The following USP48 variants were observed in gnomAD, a reference collection of about 807,000 sequenced individuals.
The protein encoded by USP48 is ubiquitin specific peptidase 48.
Under a neutral mutation model 150.7 loss-of-function variants are expected in USP48, and 43 were observed. The ratio of observed to expected loss-of-function variants is 0.29; its 90% CI spans 0.22 to 0.37. USP48 has a LOEUF of 0.37. Among genes scored for constraint, USP48 ranks in the 10% least tolerant of loss-of-function variants. The pLI, the probability that USP48 is intolerant of heterozygous loss-of-function variation, is 1.00. For synonymous variants in USP48, 396 were observed against 425.9 expected, an observed-to-expected ratio of 0.93 and a Z score of 0.86; for missense variants, 813 against 1,249.6, an observed-to-expected ratio of 0.65 and a Z score of 5.27.
chr1:21,716,418 T>C (rs1266684942), intron 14 of USP48, among the ~76,000 whole-genome samples: 1 of 152,158 alleles, frequency 6.6e-6, no homozygotes, highest in Admixed American at 6.5e-5. Context: ...GCAGGCAGGA[T>C]GAAGCAGGAG....
intron 9 of USP48, among the ~76,000 whole-genome samples, chr1:21,733,779 A>G (rs907435815): frequency 6.6e-6 from 1 of 152,052 alleles, no homozygotes; most frequent in Admixed American, 6.6e-5. Context: ...ATTTTTCACA[A>G]TTTAAAGTTC....
intron 11 of USP48, chr1:21,727,970 C>T (rs1384786635): frequency 1.0e-6 from 1 of 985,384 alleles, no homozygotes; most frequent in Non-Finnish European, 1.2e-6. Context: ...ACAAATGGCA[C>T]ATCAGCCTTT....
chr1:21,680,852 A>T lies in USP48; in HGVS notation c.3059-18T>A, dbSNP rs2152488653. On this transcript the variant is annotated intron_variant, in intron 25 of 26. Transcript: ENST00000308271. ...CATACAAACTGAAAAAAAGAAAAAA[A>T]GAAGAATTCCAAATTGAAAAGATTG... 1 of 1,576,368 alleles carries T rather than the reference A, an allele frequency of 6.3e-7. No individual in the cohort carries two copies. Among genetic ancestry groups the T allele is most frequent in the Middle Eastern group, 1.7e-4 (1 of 5,948 alleles).
At chr1:21,769,081 T>A (rs1390342190) in intron 1 of USP48, among the ~76,000 whole-genome samples, 1 of 152,214 alleles carries the variant, frequency 6.6e-6, no homozygotes, top group Non-Finnish European at 1.5e-5. Context: ...TTTGCTAACA[T>A]CAGACATGTT....
intron 1 of USP48, among the ~76,000 whole-genome samples, chr1:21,772,255 C>T (rs1257420968): frequency 1.3e-5 from 2 of 151,968 alleles, no homozygotes; most frequent in Non-Finnish European, 2.9e-5. Context: ...AAATCAAAAA[C>T]TAACGTACCA....
chr1:21,773,918 G>A (rs933541485), intron 1 of USP48, among the ~76,000 whole-genome samples: 1 of 152,084 alleles, frequency 6.6e-6, no homozygotes, highest in African/African-American at 2.4e-5. Flanking sequence ...TGGAAGGACT[G>A]CTTGAAGCCA....
At chr1:21,715,252 C>T (rs1406562775) in intron 15 of USP48, 137 bp downstream of exon 15, 1 of 568,166 alleles carries the variant, frequency 1.8e-6, no homozygotes, top group Non-Finnish European at 3.1e-6. Flanking sequence ...ATGATTTCCT[C>T]TAAATATGGG....
At chr1:21,683,517 T>TGC (rs2097572479) in intron 25 of USP48, among the ~76,000 whole-genome samples, 1 of 152,152 alleles carries the variant, frequency 6.6e-6, no homozygotes, top group Admixed American at 6.5e-5. Flanking sequence ...CCCAAGTATC[T>TGC]GAGACCACAG....
chr1:21,689,216 G>T (rs2097589276), intron 24 of USP48, among the ~76,000 whole-genome samples: 1 of 133,484 alleles, frequency 7.5e-6, no homozygotes. Flanking sequence ...CCCATTTTTT[G>T]CTTTTTTTTT....
intron 25 of USP48, among the ~76,000 whole-genome samples, chr1:21,681,961 G>C (rs1192204534): frequency 1.3e-5 from 2 of 152,244 alleles, no homozygotes; most frequent in South Asian, 2.1e-4. Flanking sequence ...ACTCCAATAT[G>C]GATCAGGTGT....
intron 24 of USP48, among the ~76,000 whole-genome samples, chr1:21,688,796 T>C (rs2097586904): frequency 6.8e-6 from 1 of 147,988 alleles, no homozygotes; most frequent in Admixed American, 6.8e-5. Context: ...TGAGCCGAGA[T>C]TGTGCCACTG....
At chr1:21,704,555 A>G in intron 19 of USP48, 163 bp from the exon 20 acceptor site, 1 of 737,410 alleles carries the variant, frequency 1.4e-6, no homozygotes, top group Non-Finnish European at 2.0e-6. Flanking sequence ...TTTTCATACA[A>G]AGGAATGTTA....
intron 24 of USP48, among the ~76,000 whole-genome samples, chr1:21,688,368 A>C (rs1571694620): frequency 6.6e-6 from 1 of 151,720 alleles, no homozygotes; most frequent in Non-Finnish European, 1.5e-5. Context: ...ACAGGTGCCC[A>C]CCACCACGCT....
chr1:21,705,596 A>C lies in USP48; in HGVS notation c.2384+131T>G, dbSNP rs376553724. The stretch of plus-strand genomic sequence containing the variant: ...TTCTCTTTTAAAAGGGGAAAAAAAA[A>C]CCCCACAATTCAGCAAAGGACTAAA... On this transcript the variant is annotated intron_variant, in intron 19 of 26. Coordinates refer to ENST00000308271, the MANE Select transcript of USP48 (RefSeq NM_032236.8). The C allele has an allele frequency of 4.7e-4, 294 of 630,038 alleles. 3 individuals carry two copies. The highest frequency in any genetic ancestry group is 3.2e-3 in the South Asian group (109 of 34,502). The allele number at this position is 630,038 out of a possible 1,614,324, so 39.0% of individuals were successfully genotyped here.
Position 21,782,961 on chromosome 1 carries a change from C to T in USP48, c.-4G>A, listed in dbSNP as rs1271203135. ...CCAGCTGCAGCCGCGGGGCCATGGC[C>T]TTGGCCCCAGGAACGCCTCCCGAGC... On this transcript the variant is annotated 5_prime_UTR_variant, in exon 1 of 27. Transcript: ENST00000308271. The T allele has an allele frequency of 2.0e-6, 3 of 1,535,600 alleles. No individual in the cohort carries two copies. Among genetic ancestry groups the T allele is most frequent in the Admixed American group, 4.0e-5 (2 of 50,522 alleles).
Position 21,698,044 on chromosome 1 carries a change from A to G in USP48, c.2728-2823T>C, listed in dbSNP as rs945451459. The stretch of plus-strand genomic sequence containing the variant: ...TGATCTAGCTTAGAGAAAAGAGGAA[A>G]AGGGATTTGTTTATCTCCACTAAGG... On this transcript the variant is annotated intron_variant, in intron 22 of 26. Coordinates refer to ENST00000308271, the MANE Select transcript of USP48 (RefSeq NM_032236.8). Among the ~76,000 whole-genome samples, 9 of 152,140 alleles carry G rather than the reference A, an allele frequency of 5.9e-5. 1 individual carries two copies. Among genetic ancestry groups the G allele is most frequent in the Admixed American group, 1.3e-4 (2 of 15,260 alleles).
At chr1:21,713,794 G>A (rs550632980) in intron 15 of USP48, among the ~76,000 whole-genome samples, 6 of 152,204 alleles carry the variant, frequency 3.9e-5, no homozygotes, top group African/African-American at 1.4e-4. Context: ...GCACTCACGA[G>A]GTCAACTCAT....
intron 1 of USP48, among the ~76,000 whole-genome samples, chr1:21,764,368 G>A (rs2097856765): frequency 1.3e-5 from 2 of 151,830 alleles, no homozygotes. Flanking sequence ...GAACCCGGGA[G>A]GCAGAGGCTG....
At chr1:21,743,223 C>T (rs1484698990) in intron 8 of USP48, among the ~76,000 whole-genome samples, 1 of 152,046 alleles carries the variant, frequency 6.6e-6, no homozygotes, top group Non-Finnish European at 1.5e-5. Flanking sequence ...GGAACCAAAG[C>T]CCAGGATTCT....
Sources: gnomAD v4.1 joint callset for allele counts (sites outside exome capture counted in the v4.1 genomes callset) on GRCh38, gnomAD v4.1.1 for gene constraint, MANE v1.5 for transcripts, NCBI Gene and HGNC (gene_info 2026-07-23, HGNC 2026-07-21) for gene names.